The following LHFPL3 variants were observed in gnomAD, a reference collection of about 807,000 sequenced individuals.
LHFPL3 encodes the protein LHFPL tetraspan subfamily member 3 protein.
LHFPL3 carries 5 observed loss-of-function variants against 19.3 expected under a neutral mutation model. That is an observed-to-expected ratio of 0.26 (90% confidence interval 0.14 to 0.54). LHFPL3 has a LOEUF of 0.54. LHFPL3 is among the 20% of genes least tolerant of loss of function. The pLI, the probability that LHFPL3 is intolerant of heterozygous loss-of-function variation, is 0.94. For synonymous variants in LHFPL3, 133 were observed against 126.2 expected, an observed-to-expected ratio of 1.05 and a Z score of -0.36; for missense variants, 249 against 307.4, an observed-to-expected ratio of 0.81 and a Z score of 1.42.
Position 104,469,884 on chromosome 7 carries a change from T to C in LHFPL3, c.445+140660T>C, listed in dbSNP as rs1206839337. On this transcript the variant is annotated intron_variant, in intron 1 of 2. Coordinates refer to ENST00000424859, the MANE Select transcript of LHFPL3 (RefSeq NM_199000.3). ...CATCCTAAATGTGAGATAAATGATATATTAATATTAATATCTATATCTAAC... is the reference window on the plus strand; with the variant it reads ...CATCCTAAATGTGAGATAAATGATACATTAATATTAATATCTATATCTAAC... 2.0e-5 allele frequency among the ~76,000 whole-genome samples: 3 copies of C among 152,200 alleles called. No homozygotes were observed. In the East Asian group the frequency reaches 5.8e-4, roughly 29 times the overall value.
At chr7:104,472,492 C>T (rs1792931182) in intron 1 of LHFPL3, among the ~76,000 whole-genome samples, 1 of 152,126 alleles carries the variant, frequency 6.6e-6, no homozygotes, top group Non-Finnish European at 1.5e-5. Context: ...TTCTACCACC[C>T]AGAGATCACT....
At chr7:104,744,385 T>C (rs998147978) in intron 2 of LHFPL3, among the ~76,000 whole-genome samples, 1 of 152,226 alleles carries the variant, frequency 6.6e-6, no homozygotes, top group Non-Finnish European at 1.5e-5. Flanking sequence ...ATTAAAACTT[T>C]CATAAGGTCA....
Position 104,889,738 on chromosome 7 carries a change from G to C in LHFPL3, c.683-16449G>C, listed in dbSNP as rs1480620076. 2.0e-5 allele frequency among the ~76,000 whole-genome samples: 3 copies of C among 152,094 alleles called. No homozygotes were observed. The East Asian group carries it at 5.8e-4, about 29-fold the overall frequency. Reference sequence around the variant, plus strand: ...ATCTTTATATGAACAAAGTTTAACAGGAGAACTCTGGAAAGATTTCAACGA... The same window carrying C: ...ATCTTTATATGAACAAAGTTTAACACGAGAACTCTGGAAAGATTTCAACGA... On this transcript the variant is annotated intron_variant, in intron 2 of 2. Transcript: ENST00000424859.
intron 2 of LHFPL3, among the ~76,000 whole-genome samples, chr7:104,773,151 G>A (rs1209826315): frequency 6.6e-6 from 1 of 152,244 alleles, no homozygotes; most frequent in Non-Finnish European, 1.5e-5. Context: ...CTGAGCCAGA[G>A]AAGTCCCCTG....
chr7:104,713,287 A>G (rs1329076655), intron 1 of LHFPL3, among the ~76,000 whole-genome samples: 2 of 152,242 alleles, frequency 1.3e-5, no homozygotes, highest in Non-Finnish European at 2.9e-5. Flanking sequence ...ACTTTATTAA[A>G]TGTTTCTAAC....
chr7:104,813,610 T>G (rs891152949), intron 2 of LHFPL3, among the ~76,000 whole-genome samples: 8 of 152,084 alleles, frequency 5.3e-5, no homozygotes, highest in African/African-American at 1.9e-4. Flanking sequence ...TGAGTGAGTG[T>G]AGGGTCCAGC....
intron 1 of LHFPL3, among the ~76,000 whole-genome samples, chr7:104,525,010 G>A (rs188849423): frequency 3.9e-5 from 6 of 152,238 alleles, no homozygotes; most frequent in East Asian, 3.9e-4. Context: ...CATATGCGTC[G>A]TCGTGGAAAT....
chr7:104,517,453 A>G (rs1376030652), intron 1 of LHFPL3, among the ~76,000 whole-genome samples: 1 of 151,058 alleles, frequency 6.6e-6, no homozygotes, highest in East Asian at 1.9e-4. Context: ...TGTTAAATCA[A>G]TCATCCTGTG....
intron 1 of LHFPL3, among the ~76,000 whole-genome samples, chr7:104,547,824 T>A (rs1387500669): frequency 6.6e-6 from 1 of 151,966 alleles, no homozygotes; most frequent in Non-Finnish European, 1.5e-5. Flanking sequence ...ATTTTGGCCA[T>A]TCCCACCTCA....
intron 1 of LHFPL3, among the ~76,000 whole-genome samples, chr7:104,535,960 G>A (rs963971493): frequency 1.3e-5 from 2 of 152,248 alleles, no homozygotes; most frequent in East Asian, 3.9e-4. Flanking sequence ...GTGCTCATTG[G>A]CACAGTCAGT....
At chr7:104,853,107 G>A (rs1412050054) in intron 2 of LHFPL3, among the ~76,000 whole-genome samples, 1 of 152,252 alleles carries the variant, frequency 6.6e-6, no homozygotes, top group Non-Finnish European at 1.5e-5. Flanking sequence ...AGTGTGTCTG[G>A]TGGACAGTGG....
At chr7:104,563,800 A>G (rs376036202) in intron 1 of LHFPL3, among the ~76,000 whole-genome samples, 1 of 152,180 alleles carries the variant, frequency 6.6e-6, no homozygotes, top group East Asian at 1.9e-4. Context: ...CCAGAACTAT[A>G]AGAAATAAAT....
intron 1 of LHFPL3, among the ~76,000 whole-genome samples, chr7:104,361,704 T>G (rs1790393297): frequency 6.6e-6 from 1 of 152,186 alleles, no homozygotes; most frequent in African/African-American, 2.4e-5. Flanking sequence ...CACAGAATAA[T>G]AGGTTTCTAC....
chr7:104,790,962 G>A (rs1790013096), intron 2 of LHFPL3, among the ~76,000 whole-genome samples: 1 of 152,204 alleles, frequency 6.6e-6, no homozygotes, highest in African/African-American at 2.4e-5. Flanking sequence ...CCACATGGTT[G>A]ACCTAAATGA....
rs538702269 is a variant in LHFPL3, at chr7:104,346,914, A to T, written c.445+17690A>T. Among the ~76,000 whole-genome samples the T allele has an allele frequency of 2.7e-5, 4 of 148,160 alleles. No homozygotes were observed. In the East Asian group the frequency reaches 7.9e-4, roughly 29 times the overall value. ...TACCAGGAAGAAAAATGTGGCGGCC[A>T]TTATACCATACTAGATAAGTGCATA... On this transcript the variant is annotated intron_variant, in intron 1 of 2. Transcript: ENST00000424859.
At chr7:104,524,041 A>T (rs1490709657) in intron 1 of LHFPL3, among the ~76,000 whole-genome samples, 1 of 152,168 alleles carries the variant, frequency 6.6e-6, no homozygotes, top group East Asian at 1.9e-4. Flanking sequence ...ATCTTGACAG[A>T]CTTAATAGGA....
At chr7:104,753,353 A>G (rs1794214247) in intron 2 of LHFPL3, among the ~76,000 whole-genome samples, 2 of 152,218 alleles carry the variant, frequency 1.3e-5, no homozygotes, top group South Asian at 2.1e-4. Flanking sequence ...CCTACTCTTT[A>G]AAGCTTATTT....
At chr7:104,794,634 C>T (rs192812909) in intron 2 of LHFPL3, among the ~76,000 whole-genome samples, 3 of 152,320 alleles carry the variant, frequency 2.0e-5, no homozygotes, top group Non-Finnish European at 4.4e-5. Context: ...AAATAGGCTA[C>T]AAGAATTTCC....
intron 2 of LHFPL3, among the ~76,000 whole-genome samples, chr7:104,742,856 T>C (rs1377985674): frequency 6.6e-6 from 1 of 151,856 alleles, no homozygotes; most frequent in Non-Finnish European, 1.5e-5. Flanking sequence ...GGGGAGGGGA[T>C]AGGTAAAAGT....
Sources: gnomAD v4.1 joint callset for allele counts (sites outside exome capture counted in the v4.1 genomes callset) on GRCh38, gnomAD v4.1.1 for gene constraint, MANE v1.5 for transcripts, NCBI Gene and HGNC (gene_info 2026-07-23, HGNC 2026-07-21) for gene names.